The following ZNF704 variants were observed in gnomAD, a reference collection of about 807,000 sequenced individuals.
The protein encoded by ZNF704 is zinc finger protein 704, also known as glucocorticoid induced gene 1.
Under a neutral mutation model 44.7 loss-of-function variants are expected in ZNF704, and 10 were observed. The observed-to-expected ratio is 0.22, with a 90% CI of 0.14 to 0.38. The LOEUF (loss-of-function observed/expected upper bound fraction) is 0.38. ZNF704 is among the 10% of genes least tolerant of loss of function. The probability of loss-of-function intolerance (pLI) is 1.00; values close to 1 mark genes in which losing one functional copy is unlikely to be tolerated. For missense variants in ZNF704, 390 were observed against 545.5 expected (o/e 0.71, Z 2.84); for synonymous variants, 211 against 207.6 (o/e 1.02, Z -0.14).
intron 2 of ZNF704, among the ~76,000 whole-genome samples, chr8:80,761,635 A>T (rs1349672967): frequency 6.6e-6 from 1 of 152,246 alleles, no homozygotes; most frequent in African/African-American, 2.4e-5. Flanking sequence ...AGATTTGAGA[A>T]ACATCTAAAA....
intron 2 of ZNF704, among the ~76,000 whole-genome samples, chr8:80,733,815 C>T (rs1806621212): frequency 6.6e-6 from 1 of 152,182 alleles, no homozygotes; most frequent in African/African-American, 2.4e-5. Flanking sequence ...TCCCATGTCT[C>T]TGAGCAATTC....
upstream of ZNF704, among the ~76,000 whole-genome samples, chr8:80,878,081 C>T (rs1471485455): frequency 2.0e-5 from 3 of 152,152 alleles, no homozygotes; most frequent in Non-Finnish European, 4.4e-5. Flanking sequence ...AGAAGCACTG[C>T]TGCGGAAGAA....
Position 80,664,945 on chromosome 8 carries a change from G to C in ZNF704, c.797C>G (p.Pro266Arg). Reference protein sequence around the residue: ...VSPSQSLASPPTFPIPDSSRT... With the variant: ...VSPSQSLASPRTFPIPDSSRT... Reference sequence around the variant, plus strand: ...GCTTGAATCTGGGATGGGGAAAGTAGGAGGTGAAGCCAGGGACTGGGAAGG... The same window carrying C: ...GCTTGAATCTGGGATGGGGAAAGTACGAGGTGAAGCCAGGGACTGGGAAGG... The change falls in exon 6 of 9, where the codon CCT becomes CGT. Residue 266 changes from proline to arginine, a missense_variant. Pro to Arg is a moderately radical substitution (Grantham distance 103, BLOSUM62 -2). This residue lies in a region of ZNF704 where 305 missense variants were observed against 435.7 expected (regional missense o/e 0.70). Coordinates refer to ENST00000327835, the MANE Select transcript of ZNF704 (RefSeq NM_001033723.3). 1 of 1,614,198 alleles carries C rather than the reference G, an allele frequency of 6.2e-7. No homozygotes were observed. The highest frequency in any genetic ancestry group is 8.5e-7 in the Non-Finnish European group (1 of 1,180,030).
intron 2 of ZNF704, chr8:80,814,064 T>C (rs1457925633): frequency 6.6e-6 from 1 of 152,114 alleles, no homozygotes; most frequent in Middle Eastern, 3.2e-3. Flanking sequence ...CTACAGGCAC[T>C]TGGCAGGAAG....
At chr8:80,817,241 C>T (rs1032859875) in intron 2 of ZNF704, among the ~76,000 whole-genome samples, 2 of 152,108 alleles carry the variant, frequency 1.3e-5, no homozygotes, top group Non-Finnish European at 1.5e-5. Flanking sequence ...ACCATGAGTA[C>T]GCACCTTACA....
chr8:80,783,019 G>A (rs1401985405), intron 2 of ZNF704, among the ~76,000 whole-genome samples: 1 of 152,094 alleles, frequency 6.6e-6, no homozygotes, highest in Non-Finnish European at 1.5e-5. Flanking sequence ...CCACAGAAAT[G>A]GCATGGTTTG....
chr8:80,679,693 G>A (rs575654344), intron 4 of ZNF704, among the ~76,000 whole-genome samples: 5 of 152,286 alleles, frequency 3.3e-5, no homozygotes, highest in Admixed American at 1.3e-4. Flanking sequence ...AACAGAGGGA[G>A]GCCACCATTG....
At chr8:80,668,299 T>C (rs1483686087) in intron 5 of ZNF704, among the ~76,000 whole-genome samples, 1 of 152,216 alleles carries the variant, frequency 6.6e-6, no homozygotes, top group Non-Finnish European at 1.5e-5. Context: ...GAGCCCTGCA[T>C]AGAATCTAAC....
At chr8:80,864,613 A>C (rs1209707816) in intron 1 of ZNF704, among the ~76,000 whole-genome samples, 2 of 152,198 alleles carry the variant, frequency 1.3e-5, no homozygotes, top group Non-Finnish European at 2.9e-5. Context: ...ACATCTCCCT[A>C]ACAGTGGGAG....
intron 2 of ZNF704, among the ~76,000 whole-genome samples, chr8:80,731,793 C>CA (rs371798092): frequency 2.0e-5 from 3 of 152,094 alleles, no homozygotes; most frequent in African/African-American, 4.8e-5. Flanking sequence ...GAAAACCCCC[C>CA]AAACACATCA....
intron 1 of ZNF704, among the ~76,000 whole-genome samples, chr8:80,851,591 G>A (rs1412700247): frequency 6.0e-5 from 9 of 148,926 alleles, no homozygotes; most frequent in East Asian, 2.0e-4. Context: ...GGGGGAGGGC[G>A]GAGGGATAGC....
chr8:80,835,516 G>A (rs1156970232), intron 1 of ZNF704, among the ~76,000 whole-genome samples: 4 of 152,184 alleles, frequency 2.6e-5, no homozygotes, highest in Admixed American at 6.5e-5. Context: ...CAAGAGAGAA[G>A]GAGCAGGGAG....
upstream of ZNF704, among the ~76,000 whole-genome samples, chr8:80,876,415 T>C (rs905824073): frequency 5.9e-5 from 9 of 152,138 alleles, no homozygotes; most frequent in African/African-American, 2.2e-4. Context: ...AAATTTAGCT[T>C]CGTTGATTTG....
intron 2 of ZNF704, among the ~76,000 whole-genome samples, chr8:80,741,893 A>G (rs1806763852): frequency 6.6e-6 from 1 of 152,204 alleles, no homozygotes; most frequent in East Asian, 1.9e-4. Context: ...CACTCCAAGA[A>G]CTAGCATTCA....
intron 2 of ZNF704, among the ~76,000 whole-genome samples, chr8:80,709,747 G>A (rs1454938175): frequency 6.6e-6 from 1 of 152,124 alleles, no homozygotes; most frequent in Non-Finnish European, 1.5e-5. Context: ...TCCTGTGTCA[G>A]GTAGGATAGC....
At chr8:80,876,760 C>CT (rs539596592), upstream of ZNF704, among the ~76,000 whole-genome samples, 55 of 152,264 alleles carry the variant, frequency 3.6e-4, no homozygotes, top group African/African-American at 1.1e-3. Context: ...TATATGCGGG[C>CT]TTATCATACT....
chr8:80,851,107 TGC>T (rs1297385330), intron 1 of ZNF704, among the ~76,000 whole-genome samples: 1 of 152,238 alleles, frequency 6.6e-6, no homozygotes, highest in Non-Finnish European at 1.5e-5. Context: ...CGCACGTTAC[TGC>T]TTTGAATACT....
chr8:80,661,247 C>A (rs921756090), intron 6 of ZNF704, among the ~76,000 whole-genome samples: 1 of 152,214 alleles, frequency 6.6e-6, no homozygotes, highest in East Asian at 1.9e-4. Context: ...AATGAAGTAT[C>A]GTCTCACCCT....
chr8:80,760,740 G>C (rs1255826176), intron 2 of ZNF704, among the ~76,000 whole-genome samples: 2 of 150,028 alleles, frequency 1.3e-5, no homozygotes, highest in Non-Finnish European at 3.0e-5. Context: ...CATTTATAAA[G>C]AAAAGAGTCA....
Sources: gnomAD v4.1 joint callset for allele counts (sites outside exome capture counted in the v4.1 genomes callset) on GRCh38, gnomAD v4.1.1 for gene constraint, gnomAD v4.1.1 regional missense constraint, MANE v1.5 for transcripts, NCBI Gene and HGNC (gene_info 2026-07-23, HGNC 2026-07-21) for gene names.